Variants in LAMA2 observed in about 807,000 individuals in gnomAD.
LAMA2 encodes the protein laminin subunit alpha 2.
A neutral mutation model predicts 364.8 loss-of-function variants in LAMA2; 269 were observed. The ratio of observed to expected loss-of-function variants is 0.74; its 90% confidence interval spans 0.67 to 0.82. LAMA2 has a LOEUF of 0.82. Among genes scored for constraint, LAMA2 ranks in the 40% least tolerant of loss-of-function variants. The pLI, the probability that LAMA2 is intolerant of heterozygous loss-of-function variation, is 0.00. For synonymous variants in LAMA2, 1,379 were observed against 1,370.6 expected (o/e 1.01, Z -0.14); for missense variants, 3,807 against 3,873.2 (o/e 0.98, Z 0.45).
intron 18 of LAMA2, among the ~76,000 whole-genome samples, chr6:129,282,318 T>A (rs1308551493): frequency 6.6e-6 from 1 of 152,174 alleles, no homozygotes; most frequent in African/African-American, 2.4e-5. Context: ...CAAGAATATA[T>A]CTCAGACTAC....
intron 1 of LAMA2, among the ~76,000 whole-genome samples, chr6:128,958,445 AGTCGAAACCCTAC>A (rs1359369380): frequency 2.0e-5 from 3 of 152,176 alleles, no homozygotes; most frequent in Non-Finnish European, 4.4e-5. Flanking sequence ...TTACTCATAC[AGTCGAAACCCTAC>A]AATTAAATTC....
intron 12 of LAMA2, among the ~76,000 whole-genome samples, chr6:129,194,695 A>ACTGT (rs1781736087): frequency 6.6e-6 from 1 of 152,184 alleles, no homozygotes; most frequent in African/African-American, 2.4e-5. Context: ...TTGGTGGTTT[A>ACTGT]CTGTCAGGCA....
chr6:129,333,698 G>T (rs909169284), intron 29 of LAMA2, among the ~76,000 whole-genome samples: 10 of 152,112 alleles, frequency 6.6e-5, no homozygotes, highest in Admixed American at 6.5e-5. Context: ...AGAGGAAGGG[G>T]TTAATCTATA....
Position 129,366,201 on chromosome 6 carries a change from G to T in LAMA2, c.4718-18G>T. 6.2e-7 allele frequency: 1 copy of T among 1,612,364 alleles called. No homozygotes were observed. The highest frequency in any genetic ancestry group is 8.5e-7 in the Non-Finnish European group (1 of 1,179,754). On this transcript the variant is annotated intron_variant, in intron 32 of 64. Transcript: ENST00000421865. ...TGTTTAGCAGAAGTAACTACTCTTT[G>T]TCACTTCTCTTTCACAGTTTGTGGA...
chr6:129,069,463 G>T (rs1291042583), intron 3 of LAMA2, among the ~76,000 whole-genome samples: 1 of 147,762 alleles, frequency 6.8e-6, no homozygotes, highest in African/African-American at 2.5e-5. Context: ...TATATTATTT[G>T]TTTTTAAATA....
At chr6:129,199,968 A>G (rs1468355973) in intron 12 of LAMA2, among the ~76,000 whole-genome samples, 1 of 151,616 alleles carries the variant, frequency 6.6e-6, no homozygotes, top group Non-Finnish European at 1.5e-5. Context: ...AATCCCAGCT[A>G]CTCGGGAGGC....
At chr6:128,901,516 AG>A (rs200106535) in intron 1 of LAMA2, among the ~76,000 whole-genome samples, 1,653 of 152,330 alleles carry the variant, frequency 0.011, 29 homozygotes, top group African/African-American at 0.038. Flanking sequence ...GAAGAGGCAT[AG>A]AAAGAGTAGT....
chr6:129,087,049 TG>T (rs1377197092), intron 3 of LAMA2, among the ~76,000 whole-genome samples: 1 of 152,216 alleles, frequency 6.6e-6, no homozygotes, highest in African/African-American at 2.4e-5. Context: ...ATGATTACAT[TG>T]AGCCCAGTGG....
intron 3 of LAMA2, among the ~76,000 whole-genome samples, chr6:129,065,120 G>C (rs549139171): frequency 1.3e-5 from 2 of 152,128 alleles, no homozygotes; most frequent in East Asian, 3.9e-4. Flanking sequence ...ATCTATAAAT[G>C]TGATACCTTA....
chr6:128,997,123 C>T (rs1562906486), intron 1 of LAMA2, among the ~76,000 whole-genome samples: 1 of 151,466 alleles, frequency 6.6e-6, no homozygotes, highest in Non-Finnish European at 1.5e-5. Context: ...CACACTGGGG[C>T]CTGTTGGGGG....
At chr6:129,382,067 A>G (rs1247827874) in intron 34 of LAMA2, among the ~76,000 whole-genome samples, 5 of 152,198 alleles carry the variant, frequency 3.3e-5, no homozygotes, top group Non-Finnish European at 7.3e-5. Context: ...TTTAAATATT[A>G]ATTCTCTGGC....
intron 1 of LAMA2, among the ~76,000 whole-genome samples, chr6:129,048,553 C>CTTTCTTTCTTTCTTTCTTTCTT (rs71028142): frequency 2.0e-5 from 1 of 48,980 alleles, no homozygotes; most frequent in African/African-American, 5.7e-5. Flanking sequence ...TTCTTTCTTT[C>CTTTCTTTCTTTCTTTCTTTCTT]TCTCTCTCTC....
intron 3 of LAMA2, among the ~76,000 whole-genome samples, chr6:129,067,162 G>A (rs2114810670): frequency 6.6e-6 from 1 of 152,244 alleles, no homozygotes; most frequent in Admixed American, 6.5e-5. Flanking sequence ...GGTACTATTT[G>A]GGTCACTGCT....
Position 129,205,642 on chromosome 6 carries a change from C to T in LAMA2, c.1782+12789C>T, listed in dbSNP as rs560653879. ...CTGATTAAATGAGTTTTGGTACACT[C>T]GTGCCATCAAACACTATAAAATTAT... On this transcript the variant is annotated intron_variant, in intron 12 of 64. Transcript: ENST00000421865. 5.0e-4 allele frequency among the ~76,000 whole-genome samples: 76 copies of T among 151,842 alleles called. No individual in the cohort carries two copies. The South Asian group carries it at 0.015, about 30-fold the overall frequency.
At chr6:129,495,970 G>C (rs1452500240) in intron 58 of LAMA2, among the ~76,000 whole-genome samples, 1 of 152,032 alleles carries the variant, frequency 6.6e-6, no homozygotes, top group Non-Finnish European at 1.5e-5. Flanking sequence ...ATGCCAAATT[G>C]GTTGGTTTAG....
intron 4 of LAMA2, among the ~76,000 whole-genome samples, chr6:129,135,656 T>C (rs1219151666): frequency 6.6e-6 from 1 of 152,230 alleles, no homozygotes; most frequent in Non-Finnish European, 1.5e-5. Context: ...AAACAAAATT[T>C]GGAGCAATGC....
At chr6:129,058,569 A>T (rs1309340757) in intron 2 of LAMA2, among the ~76,000 whole-genome samples, 3 of 152,160 alleles carry the variant, frequency 2.0e-5, no homozygotes, top group Admixed American at 2.0e-4. Context: ...TTCCTCCACT[A>T]GAGTTAGTGA....
At chr6:128,917,145 T>C (rs1435986561) in intron 1 of LAMA2, among the ~76,000 whole-genome samples, 1 of 149,192 alleles carries the variant, frequency 6.7e-6, no homozygotes, top group Non-Finnish European at 1.5e-5. Context: ...CCTCCCATTC[T>C]ACAAATAGAA....
Position 129,190,232 on chromosome 6 carries a change from C to T in LAMA2, c.1495C>T (p.Arg499Cys), listed in dbSNP as rs143626559. The change falls in exon 11 of 65, where the codon CGT (arginine) becomes TGT (cysteine). Residue 499 changes from arginine (R) to cysteine (C), a missense_variant. Arg to Cys is a radical substitution (Grantham distance 180). Coordinates refer to ENST00000421865, the MANE Select transcript of LAMA2 (RefSeq NM_000426.4). The part of the protein sequence containing the change: ...KENVEGGDCS[R>C]CKSGFFNLQE... ...AAATGTTGAAGGAGGAGACTGTAGT[C>T]GTTGCAAATCCGGCTTCTTCAATTT... is the stretch of plus-strand genomic sequence containing the variant. The T allele has an allele frequency of 5.9e-5, 96 of 1,613,520 alleles. No individual in the cohort carries two copies. The Middle Eastern group carries it at 2.5e-3, about 42-fold the overall frequency.
Sources: allele counts gnomAD v4.1 joint callset (sites outside exome capture counted in the v4.1 genomes callset), GRCh38; gene constraint gnomAD v4.1.1; transcripts MANE v1.5; gene names NCBI Gene and HGNC (gene_info 2026-07-23, HGNC 2026-07-21).